Variants in FBXL5 observed in about 807,000 individuals in gnomAD.
FBXL5 encodes the protein F-box and leucine rich repeat protein 5.
In FBXL5, 26 loss-of-function variants were observed where a neutral mutation model predicts 78.3. The ratio of observed to expected loss-of-function variants is 0.33; its 90% CI spans 0.24 to 0.46. The LOEUF is 0.46. FBXL5 is among the 20% of genes least tolerant of loss of function. FBXL5 has a pLI of 1.00. For synonymous variants in FBXL5, 295 were observed against 282.5 expected (o/e 1.04, Z -0.45); for missense variants, 710 against 829.2 (o/e 0.86, Z 1.77).
At chr4:15,675,638 A>T (rs1202945763) in intron 1 of FBXL5, among the ~76,000 whole-genome samples, 1 of 140,474 alleles carries the variant, frequency 7.1e-6, no homozygotes, top group Non-Finnish European at 1.5e-5. Context: ...TTGCAGTGCA[A>T]TGGCGCCATC....
At chr4:15,627,017 T>G in intron 7 of FBXL5, 62 bp from the exon 8 acceptor site, 1 of 1,002,966 alleles carries the variant, frequency 1.0e-6, no homozygotes, top group East Asian at 2.4e-5. Context: ...AAGTAACAGA[T>G]GACTATTAGT....
chr4:15,629,810 G>A (rs1328031936), intron 6 of FBXL5, among the ~76,000 whole-genome samples: 2 of 152,040 alleles, frequency 1.3e-5, no homozygotes, highest in South Asian at 2.1e-4. Context: ...TACTTTCCAC[G>A]TGTCTTTTTT....
chr4:15,620,752 G>A (rs1712391176), intron 9 of FBXL5, among the ~76,000 whole-genome samples: 1 of 152,236 alleles, frequency 6.6e-6, no homozygotes, highest in Non-Finnish European at 1.5e-5. Flanking sequence ...GAAGGTCGGG[G>A]GTTTACGGGA....
intron 1 of FBXL5, among the ~76,000 whole-genome samples, chr4:15,671,566 G>T (rs73243120): frequency 5.9e-5 from 9 of 152,062 alleles, no homozygotes; most frequent in Admixed American, 2.0e-4. Context: ...GAGCCACCAC[G>T]CCTGGGTGGT....
At chr4:15,624,987 T>C (rs1220164371) in intron 9 of FBXL5, among the ~76,000 whole-genome samples, 2 of 152,262 alleles carry the variant, frequency 1.3e-5, no homozygotes, top group Non-Finnish European at 1.5e-5. Context: ...CCTTAAAATA[T>C]GTGATGTAGC....
intron 1 of FBXL5, among the ~76,000 whole-genome samples, chr4:15,680,887 C>A (rs1285562123): frequency 6.7e-6 from 1 of 148,236 alleles, no homozygotes; most frequent in Non-Finnish European, 1.5e-5. Flanking sequence ...TATGTCAACC[C>A]AAAAAAATAA....
chr4:15,656,532 G>C (rs1178324008), upstream of FBXL5, among the ~76,000 whole-genome samples: 1 of 152,234 alleles, frequency 6.6e-6, no homozygotes, highest in Non-Finnish European at 1.5e-5. Context: ...TAATGGAGTA[G>C]AAGAAGGTGA....
chr4:15,656,352 T>C, upstream of FBXL5: 1 of 451,184 alleles, frequency 2.2e-6, no homozygotes, highest in Non-Finnish European at 4.5e-6. Flanking sequence ...GCTGGACAGA[T>C]AGAGAAATAG....
intron 6 of FBXL5, among the ~76,000 whole-genome samples, chr4:15,629,156 A>G (rs1713373674): frequency 1.3e-5 from 2 of 152,138 alleles, no homozygotes. Flanking sequence ...TTTAGTCTTT[A>G]ATAATCAACA....
chr4:15,630,920 TG>T lies in FBXL5; in HGVS notation c.767-130del, dbSNP rs1015964665. On this transcript the variant is annotated intron_variant, in intron 5 of 10. Transcript: ENST00000341285. Reference sequence around the variant, plus strand: ...ATCTGAGCCCTAGGCAATAAGCAACTGTTTTTTTTTAATACTTTTAAGTTCT... The same window carrying T: ...ATCTGAGCCCTAGGCAATAAGCAACTTTTTTTTTTAATACTTTTAAGTTCT... 5.1e-6 allele frequency: 6 copies of T among 1,180,090 alleles called. No individual in the cohort carries two copies. In the African/African-American group the frequency reaches 7.9e-5, roughly 16 times the overall value. The allele number at this position is 1,180,090 out of a possible 1,614,324, so 73.1% of individuals were successfully genotyped here.
intron 9 of FBXL5, among the ~76,000 whole-genome samples, chr4:15,617,880 T>G (rs1712073165): frequency 6.6e-6 from 1 of 152,158 alleles, no homozygotes; most frequent in African/African-American, 2.4e-5. Flanking sequence ...ACGTGAGTGA[T>G]GGGATGCTCT....
chr4:15,651,308 A>G (rs910265100), intron 1 of FBXL5, among the ~76,000 whole-genome samples: 3 of 152,240 alleles, frequency 2.0e-5, no homozygotes, highest in Non-Finnish European at 2.9e-5. Context: ...CGAAGGGGAA[A>G]AAAAATCCTA....
chr4:15,669,827 T>C (rs1383184207), intron 1 of FBXL5, among the ~76,000 whole-genome samples: 1 of 152,218 alleles, frequency 6.6e-6, no homozygotes, highest in Admixed American at 6.5e-5. Flanking sequence ...TTTACTGATA[T>C]TTTCAGCATT....
At chr4:15,624,093 G>A (rs1276956517) in intron 9 of FBXL5, among the ~76,000 whole-genome samples, 2 of 151,910 alleles carry the variant, frequency 1.3e-5, no homozygotes, top group Non-Finnish European at 2.9e-5. Context: ...CAAAGTGCTG[G>A]GATTACAGAC....
At chr4:15,644,435 T>C (rs984612038) in intron 2 of FBXL5, 58 bp downstream of exon 2, 12 of 1,390,878 alleles carry the variant, frequency 8.6e-6, no homozygotes, top group African/African-American at 1.6e-5. Flanking sequence ...GTTTTGCCAA[T>C]GATATACCAG....
chr4:15,640,393 G>GAA (rs33987840), intron 3 of FBXL5, among the ~76,000 whole-genome samples: 36,671 of 91,098 alleles, frequency 0.4, 7,833 homozygotes, highest in East Asian at 0.48. Context: ...CTACACTACT[G>GAA]AAAAAAAAAA....
intron 9 of FBXL5, among the ~76,000 whole-genome samples, chr4:15,621,899 G>A (rs867336859): frequency 1.3e-5 from 2 of 152,190 alleles, no homozygotes; most frequent in African/African-American, 4.8e-5. Context: ...TGCCATCTCA[G>A]CTCACTGCAA....
intron 5 of FBXL5, among the ~76,000 whole-genome samples, chr4:15,635,080 C>T (rs1714106592): frequency 6.6e-6 from 1 of 152,028 alleles, no homozygotes; most frequent in South Asian, 2.1e-4. Context: ...GCCCGTAATC[C>T]CAGCACTTTG....
chr4:15,626,203 G>C (rs1025683606), intron 8 of FBXL5, among the ~76,000 whole-genome samples: 5 of 152,158 alleles, frequency 3.3e-5, no homozygotes, highest in African/African-American at 1.2e-4. Context: ...CAGAAGGGTA[G>C]GATTTGAGAG....
Sources: gnomAD v4.1 joint callset for allele counts (sites outside exome capture counted in the v4.1 genomes callset) on GRCh38, gnomAD v4.1.1 for gene constraint, MANE v1.5 for transcripts, NCBI Gene and HGNC (gene_info 2026-07-23, HGNC 2026-07-21) for gene names.